The following FRMPD4 variants were observed in gnomAD, a reference collection of about 807,000 sequenced individuals.
FRMPD4 encodes the protein FERM and PDZ domain-containing protein 4.
Under a neutral mutation model 94.1 loss-of-function variants are expected in FRMPD4, and 22 were observed. That is an observed-to-expected ratio of 0.23 (90% CI 0.17 to 0.33). The LOEUF is 0.33. FRMPD4 is among the 10% of genes least tolerant of loss of function. The pLI, the probability that FRMPD4 is intolerant of heterozygous loss-of-function variation, is 1.00. For missense variants in FRMPD4, 1,111 were observed against 1,339.9 expected, an observed-to-expected ratio of 0.83 and a Z score of 2.67; for synonymous variants, 631 against 548.6, an observed-to-expected ratio of 1.15 and a Z score of -2.10.
chrX:12,003,779 T>C (rs1314489093), intron 3 of FRMPD4, among the ~76,000 whole-genome samples: 4 of 112,204 alleles, frequency 3.6e-5, no homozygotes, highest in African/African-American at 1.3e-4. Context: ...TTCCTTTCAC[T>C]TTCCCCTTTA....
chrX:12,182,967 C>T (rs2056379255), intron 1 of FRMPD4, among the ~76,000 whole-genome samples: 2 of 111,446 alleles, frequency 1.8e-5, no homozygotes, highest in South Asian at 7.6e-4. Flanking sequence ...GTCTGCTATA[C>T]CAAGGCAGGA....
intron 1 of FRMPD4, among the ~76,000 whole-genome samples, chrX:11,839,028 G>C (rs1223832584): frequency 2.7e-5 from 3 of 111,762 alleles, no homozygotes; most frequent in African/African-American, 6.5e-5. Context: ...TGTATATTCA[G>C]TTTAAGTTTA....
intron 1 of FRMPD4, among the ~76,000 whole-genome samples, chrX:12,331,231 T>G (rs2055367940): frequency 9.1e-6 from 1 of 109,364 alleles, no homozygotes; most frequent in Non-Finnish European, 1.9e-5. Flanking sequence ...TTCGTTTTTT[T>G]TTTTTTTTTA....
intron 4 of FRMPD4, among the ~76,000 whole-genome samples, chrX:12,627,045 G>A (rs963435443): frequency 1.8e-5 from 2 of 111,456 alleles, no homozygotes; most frequent in African/African-American, 6.5e-5. Context: ...GGAGGCCAAG[G>A]CAGGCAGATC....
At chrX:12,407,900 C>T (rs757257349) in intron 1 of FRMPD4, among the ~76,000 whole-genome samples, 33 of 110,856 alleles carry the variant, frequency 3.0e-4, no homozygotes, top group Non-Finnish European at 5.9e-4. Flanking sequence ...TCGGGCCTGA[C>T]TATATATTGT....
chrX:12,437,740 C>T lies in FRMPD4; in HGVS notation c.42-60940C>T, dbSNP rs779881562. ...TCTGCCTTCGTCTCTTTTCCTTTCACGATGCTCCCATTACACTTGATCTCT... is the reference window on the plus strand; with the variant it reads ...TCTGCCTTCGTCTCTTTTCCTTTCATGATGCTCCCATTACACTTGATCTCT... On this transcript the variant is annotated intron_variant, in intron 1 of 16. Coordinates refer to ENST00000675598, the MANE Select transcript of FRMPD4 (RefSeq NM_001368397.1). Among the ~76,000 whole-genome samples, 6 of 112,188 alleles carry T rather than the reference C, an allele frequency of 5.3e-5. No individual in the cohort carries two copies. The East Asian group carries it at 8.3e-4, about 16-fold the overall frequency.
intron 2 of FRMPD4, among the ~76,000 whole-genome samples, chrX:12,582,452 G>C (rs1602163707): frequency 9.0e-6 from 1 of 111,634 alleles, no homozygotes; most frequent in South Asian, 3.8e-4. Context: ...GTCTCAGGTT[G>C]CATACCTGAG....
At chrX:12,467,071 TTGCTCAGAAATACTAATTA>T (rs927151619) in intron 1 of FRMPD4, among the ~76,000 whole-genome samples, 18 of 111,163 alleles carry the variant, frequency 1.6e-4, no homozygotes, top group African/African-American at 4.6e-4. Flanking sequence ...GCATGCTTGC[TTGCTCAGAAATACTAATTA>T]TGCTCAGAAA....
rs187652234 is a variant in FRMPD4, at chrX:12,540,856, C to A, written c.158+42060C>A. On this transcript the variant is annotated intron_variant, in intron 2 of 16. Coordinates refer to ENST00000675598, the MANE Select transcript of FRMPD4 (RefSeq NM_001368397.1). The stretch of plus-strand genomic sequence containing the variant: ...TAGTTGGAAGTAAAGCAGTCCTCGG[C>A]AAATGTAAAAAACGGAAATTATAAC... 3.0e-4 allele frequency among the ~76,000 whole-genome samples: 34 copies of A among 111,719 alleles called. No individual in the cohort carries two copies. In the East Asian group the frequency reaches 9.2e-3, roughly 30 times the overall value.
chrX:12,548,555 T>A (rs748503956), intron 2 of FRMPD4, among the ~76,000 whole-genome samples: 1 of 112,928 alleles, frequency 8.9e-6, no homozygotes, highest in Non-Finnish European at 1.9e-5. Flanking sequence ...GCCAACATGA[T>A]GACATCCAGT....
intron 1 of FRMPD4, among the ~76,000 whole-genome samples, chrX:12,381,219 G>A (rs1488905739): frequency 8.9e-6 from 1 of 112,110 alleles, no homozygotes; most frequent in African/African-American, 3.2e-5. Context: ...TGTCACTGGA[G>A]GTCTTCACAG....
Position 12,554,873 on chromosome X carries a change from C to T in FRMPD4, c.159-54848C>T, listed in dbSNP as rs971267580. Reference sequence around the variant, plus strand: ...CAAGTGATCCACCAATCTTGATTGCCGAAAGTGTAGGGATTACAGGTGCGA... The same window carrying T: ...CAAGTGATCCACCAATCTTGATTGCTGAAAGTGTAGGGATTACAGGTGCGA... On this transcript the variant is annotated intron_variant, in intron 2 of 16. Transcript: ENST00000675598. 3.6e-5 allele frequency among the ~76,000 whole-genome samples: 4 copies of T among 111,489 alleles called. No individual in the cohort carries two copies. The Admixed American group carries it at 3.8e-4, about 11-fold the overall frequency.
chrX:11,898,391 G>A (rs1267223875), intron 3 of FRMPD4, among the ~76,000 whole-genome samples: 2 of 111,151 alleles, frequency 1.8e-5, no homozygotes, highest in African/African-American at 6.6e-5. Flanking sequence ...CCTATTATTT[G>A]CAATTGAGCA....
intron 1 of FRMPD4, among the ~76,000 whole-genome samples, chrX:12,223,177 A>G (rs1013408712): frequency 8.9e-6 from 1 of 112,012 alleles, no homozygotes; most frequent in Admixed American, 9.5e-5. Flanking sequence ...AGCACTATTC[A>G]CAATAGCAAA....
intron 1 of FRMPD4, among the ~76,000 whole-genome samples, chrX:12,187,569 A>G (rs2056438944): frequency 9.0e-6 from 1 of 111,396 alleles, no homozygotes; most frequent in African/African-American, 3.3e-5. Context: ...TTAGTGAGTT[A>G]TGAGGTCAAC....
At chrX:12,710,145 TAGATAGATAGAC>T (rs2041957979) in intron 13 of FRMPD4, among the ~76,000 whole-genome samples, 1 of 47,430 alleles carries the variant, frequency 2.1e-5, no homozygotes, top group Non-Finnish European at 4.1e-5. Flanking sequence ...GATAGACAGA[TAGATAGATAGAC>T]AGACATATAT....
intron 3 of FRMPD4, among the ~76,000 whole-genome samples, chrX:12,109,791 C>G (rs1400972547): frequency 8.9e-6 from 1 of 111,964 alleles, no homozygotes; most frequent in Non-Finnish European, 1.9e-5. Context: ...ACTATAAACA[C>G]CTCTATGCAA....
At chrX:12,055,472 C>T (rs1020060601) in intron 3 of FRMPD4, among the ~76,000 whole-genome samples, 2 of 111,841 alleles carry the variant, frequency 1.8e-5, no homozygotes, top group African/African-American at 6.5e-5. Flanking sequence ...TTTGAGACAC[C>T]TGCTCCCCCT....
At chrX:11,874,213 C>T (rs2053771145) in intron 2 of FRMPD4, among the ~76,000 whole-genome samples, 1 of 112,369 alleles carries the variant, frequency 8.9e-6, no homozygotes, top group Non-Finnish European at 1.9e-5. Context: ...TGCAGTGGTG[C>T]AAACACAGTT....
Sources: gnomAD v4.1 joint callset for allele counts (sites outside exome capture counted in the v4.1 genomes callset) on GRCh38, gnomAD v4.1.1 for gene constraint, MANE v1.5 for transcripts, NCBI Gene and HGNC (gene_info 2026-07-23, HGNC 2026-07-21) for gene names.